MYOM1: variants seen among roughly 807,000 people sequenced by gnomAD.
MYOM1 encodes myomesin 1.
MYOM1 carries 164 observed loss-of-function variants against 205.3 expected under a neutral mutation model. The observed-to-expected ratio is 0.80, with a 90% CI of 0.70 to 0.91. MYOM1 has a LOEUF of 0.91. MYOM1 is among the 40% of genes least tolerant of loss of function. The pLI is 0.00. For missense variants in MYOM1, 2,011 were observed against 2,127.3 expected (o/e 0.95, Z 1.08); for synonymous variants, 772 against 789.4 (o/e 0.98, Z 0.37).
chr18:3,077,176 C>T (rs1260997812), intron 34 of MYOM1, among the ~76,000 whole-genome samples: 2 of 152,038 alleles, frequency 1.3e-5, no homozygotes, highest in Non-Finnish European at 2.9e-5. Context: ...CCACACCTAG[C>T]TATTTTTACA....
At chr18:3,144,117 A>G (rs2080090586) in intron 13 of MYOM1, among the ~76,000 whole-genome samples, 1 of 151,908 alleles carries the variant, frequency 6.6e-6, no homozygotes, top group Non-Finnish European at 1.5e-5. Flanking sequence ...GAGGCAGGAG[A>G]ATGGCATGAA....
intron 5 of MYOM1, among the ~76,000 whole-genome samples, chr18:3,186,741 GAA>G (rs1456329385): frequency 6.7e-6 from 1 of 148,198 alleles, no homozygotes; most frequent in Non-Finnish European, 1.5e-5. Context: ...AAGGAAGAAA[GAA>G]AGAGAGAAAG....
chr18:3,223,312 G>A (rs2081339594), upstream of MYOM1, among the ~76,000 whole-genome samples: 1 of 152,164 alleles, frequency 6.6e-6, no homozygotes, highest in African/African-American at 2.4e-5. Flanking sequence ...CTACCATTAT[G>A]AGGACTTATA....
intron 23 of MYOM1, among the ~76,000 whole-genome samples, chr18:3,102,271 T>G (rs1320634912): frequency 1.3e-5 from 2 of 152,064 alleles, no homozygotes; most frequent in Non-Finnish European, 2.9e-5. Flanking sequence ...CCCAAAGTGC[T>G]GGGATTAGAG....
chr18:3,206,100 G>C (rs1041553820), intron 2 of MYOM1, among the ~76,000 whole-genome samples: 1 of 152,204 alleles, frequency 6.6e-6, no homozygotes, highest in African/African-American at 2.4e-5. Context: ...GTGAGCTTCT[G>C]TCTGGGGTTA....
the MYOM1 span, among the ~76,000 whole-genome samples, chr18:3,233,612 C>A: frequency 6.6e-6 from 1 of 152,162 alleles, no homozygotes; most frequent in Non-Finnish European, 1.5e-5. Context: ...AGCTTTAATG[C>A]TTTACTGAAT....
intron 4 of MYOM1, 108 bp downstream of exon 4, chr18:3,188,640 A>G (rs1230874895): frequency 4.0e-6 from 5 of 1,247,042 alleles, no homozygotes; most frequent in Non-Finnish European, 5.3e-6. Context: ...AAAGGAAAAA[A>G]AAAAAGAAAC....
chr18:3,141,026 T>C (rs896440056), intron 14 of MYOM1, among the ~76,000 whole-genome samples: 13 of 152,240 alleles, frequency 8.5e-5, no homozygotes, highest in African/African-American at 2.9e-4. Context: ...AGAACCTTTT[T>C]AACAAATGGA....
chr18:3,179,259 A>G lies in MYOM1; in HGVS notation c.930-3125T>C, dbSNP rs996727269. Reference sequence around the variant, plus strand: ...CAGAATTGGTTAAATTTGGTTGAACAGAATTAGCACGTAATGCAATAGATT... The same window carrying G: ...CAGAATTGGTTAAATTTGGTTGAACGGAATTAGCACGTAATGCAATAGATT... On this transcript the variant is annotated intron_variant, in intron 5 of 37. Transcript: ENST00000356443. This position sits in a 1 kb window ranked among gnomAD's most constrained non-coding sequence, Gnocchi z 4.4. 2.0e-5 allele frequency among the ~76,000 whole-genome samples: 3 copies of G among 152,232 alleles called. No homozygotes were observed. The highest frequency in any genetic ancestry group is 7.2e-5 in the African/African-American group (3 of 41,460).
chr18:3,186,173 G>T (rs924958343), intron 5 of MYOM1, among the ~76,000 whole-genome samples: 1 of 151,984 alleles, frequency 6.6e-6, no homozygotes, highest in African/African-American at 2.4e-5. Flanking sequence ...TCCAGCCTGG[G>T]TGACAAGGCG....
intron 36 of MYOM1, among the ~76,000 whole-genome samples, chr18:3,073,870 TGCCGA>T (rs2078990684): frequency 6.6e-6 from 1 of 152,200 alleles, no homozygotes; most frequent in African/African-American, 2.4e-5. Flanking sequence ...ACCCTCTCTT[TGCCGA>T]GAGTTTTCCT....
At chr18:3,202,674 A>T (rs1158428092) in intron 2 of MYOM1, among the ~76,000 whole-genome samples, 1 of 152,150 alleles carries the variant, frequency 6.6e-6, no homozygotes, top group Non-Finnish European at 1.5e-5. Context: ...CAAAAATGAC[A>T]GAATTGAAAG....
At chr18:3,158,327 T>G (rs961166277) in intron 10 of MYOM1, among the ~76,000 whole-genome samples, 1 of 152,222 alleles carries the variant, frequency 6.6e-6, no homozygotes, top group African/African-American at 2.4e-5. Context: ...TCATGGAGCA[T>G]CTATTATACT....
chr18:3,136,914 T>C (rs966902781), intron 14 of MYOM1, among the ~76,000 whole-genome samples: 8 of 152,048 alleles, frequency 5.3e-5, no homozygotes, highest in Non-Finnish European at 8.8e-5. Flanking sequence ...ATCTGGCAAA[T>C]AGTACATAAT....
rs569748129 is a variant in MYOM1 at position 3,137,197 on chromosome 18, C to G, written c.2026-1467G>C. 2.0e-4 allele frequency among the ~76,000 whole-genome samples: 31 copies of G among 152,302 alleles called. No individual in the cohort carries two copies. The South Asian group carries it at 5.0e-3, about 24-fold the overall frequency. On this transcript the variant is annotated intron_variant, in intron 14 of 37. Coordinates refer to ENST00000356443, the MANE Select transcript of MYOM1 (RefSeq NM_003803.4). ...ATCTCCTGACCTCGTGATCCGCCCACCTCAGCCTCCCAAAGTGCTGGGATT... is the reference window on the plus strand; with the variant it reads ...ATCTCCTGACCTCGTGATCCGCCCAGCTCAGCCTCCCAAAGTGCTGGGATT...
intron 19 of MYOM1, among the ~76,000 whole-genome samples, chr18:3,123,246 A>G (rs561082070): frequency 7.2e-5 from 11 of 152,228 alleles, no homozygotes; most frequent in Non-Finnish European, 1.5e-4. Context: ...AGATGATATG[A>G]ATATACATAG....
chr18:3,208,272 T>TCCCA (rs2081150335), intron 2 of MYOM1, among the ~76,000 whole-genome samples: 1 of 152,182 alleles, frequency 6.6e-6, no homozygotes, highest in Admixed American at 6.5e-5. Context: ...CACTTTGGGA[T>TCCCA]GCCAAGGTGG....
chr18:3,178,338 A>C (rs1369378425), intron 5 of MYOM1, among the ~76,000 whole-genome samples: 2 of 152,220 alleles, frequency 1.3e-5, no homozygotes, highest in African/African-American at 4.8e-5. Context: ...TGGGGGTTTC[A>C]GGAACTTGCC....
chr18:3,182,913 C>CTTTTTTT (rs549386891), intron 5 of MYOM1, among the ~76,000 whole-genome samples: 393 of 92,250 alleles, frequency 4.3e-3, no homozygotes, highest in Non-Finnish European at 6.3e-3. Context: ...TTTCTTTCTT[C>CTTTTTTT]TTTTTTTTTT....
Sources: allele counts gnomAD v4.1 joint callset (sites outside exome capture counted in the v4.1 genomes callset), GRCh38; gene constraint gnomAD v4.1.1; non-coding constraint Gnocchi (gnomAD v3.1); transcripts MANE v1.5; gene names NCBI Gene and HGNC (gene_info 2026-07-23, HGNC 2026-07-21).